The following SH2D4A variants were observed in gnomAD, a reference collection of about 807,000 sequenced individuals.
SH2D4A encodes SH2 domain containing 4A.
SH2D4A carries 70 observed loss-of-function variants against 64.7 expected under a neutral mutation model. The ratio of observed to expected loss-of-function variants is 1.08; its 90% CI spans 0.89 to 1.32. The LOEUF (loss-of-function observed/expected upper bound fraction) is 1.32, where lower values mean the gene tolerates loss of function less well. Among genes scored for constraint, SH2D4A ranks in the 40% most tolerant of loss-of-function variants. The pLI, the probability that SH2D4A is intolerant of heterozygous loss-of-function variation, is 0.00. For missense variants in SH2D4A, 706 were observed against 540.1 expected (o/e 1.31, Z -3.04); for synonymous variants, 268 against 200.7 (o/e 1.34, Z -2.83).
At chr8:19,314,119 T>A in intron 1 of SH2D4A, 1 of 218,682 alleles carries the variant, frequency 4.6e-6, no homozygotes, top group South Asian at 1.7e-4. Flanking sequence ...TTGCAGGGGG[T>A]GGCGGGGGAA....
At chr8:19,348,218 C>G (rs1039570610) in intron 4 of SH2D4A, among the ~76,000 whole-genome samples, 5 of 152,098 alleles carry the variant, frequency 3.3e-5, no homozygotes, top group Non-Finnish European at 5.9e-5. Flanking sequence ...TCCTCAGCCT[C>G]CCAAGAAGCT....
chr8:19,385,278 C>G (rs2053367143), intron 8 of SH2D4A, among the ~76,000 whole-genome samples: 1 of 150,952 alleles, frequency 6.6e-6, no homozygotes, highest in South Asian at 2.1e-4. Context: ...GATGCGATCT[C>G]AGCTCACTGT....
chr8:19,373,422 GCATGTATATGTA>G (rs1241544668), intron 7 of SH2D4A, 96 bp from the exon 8 acceptor site: 1 of 645,578 alleles, frequency 1.5e-6, no homozygotes, highest in East Asian at 3.2e-5. Flanking sequence ...GTATATATAT[GCATGTATATGTA>G]TGTGTGTGTG....
intron 4 of SH2D4A, among the ~76,000 whole-genome samples, chr8:19,355,677 C>G (rs1334388660): frequency 6.6e-6 from 1 of 152,156 alleles, no homozygotes; most frequent in Non-Finnish European, 1.5e-5. Flanking sequence ...CTGAAAATTG[C>G]CCATTATGTT....
At chr8:19,360,333 G>A (rs2052861739) in intron 5 of SH2D4A, among the ~76,000 whole-genome samples, 1 of 140,578 alleles carries the variant, frequency 7.1e-6, no homozygotes, top group Non-Finnish European at 1.5e-5. Flanking sequence ...TACATATTCT[G>A]GCAGGGTGTG....
Position 19,390,605 on chromosome 8 carries a change from G to GTAA in SH2D4A, c.1049-2711_1049-2709dup, listed in dbSNP as rs1463260250. Among the ~76,000 whole-genome samples the GTAA allele has an allele frequency of 8.5e-5, 13 of 152,288 alleles. No homozygotes were observed. The South Asian group carries it at 2.7e-3, about 32-fold the overall frequency. ...CAAGCCAGTTTGCTATTAAGGAATAGTAATCCTCTTACAAAGCAAAAAAAG... is the reference window on the plus strand; with the variant it reads ...CAAGCCAGTTTGCTATTAAGGAATAGTAATAATCCTCTTACAAAGCAAAAAAAG... On this transcript the variant is annotated intron_variant, in intron 8 of 9. Coordinates refer to ENST00000265807, the MANE Select transcript of SH2D4A (RefSeq NM_022071.4).
chr8:19,382,823 C>CTTTTTTTTTTTTTTTTTTTTTT lies in SH2D4A; in HGVS notation c.1048+9167_1048+9188dup, dbSNP rs1159245319. 7.0e-4 allele frequency among the ~76,000 whole-genome samples: 45 copies of CTTTTTTTTTTTTTTTTTTTTTT among 64,630 alleles called. 4 individuals are homozygous for CTTTTTTTTTTTTTTTTTTTTTT. The highest frequency in any genetic ancestry group is 9.5e-4 in the Non-Finnish European group (33 of 34,652). The allele number at this position is 64,630 out of a possible 152,430, so 42.4% of individuals were successfully genotyped here. A position where few individuals can be genotyped will look rare whatever the true frequency, so the allele number is the denominator to read the frequency against. On this transcript the variant is annotated intron_variant, in intron 8 of 9. Coordinates refer to ENST00000265807, the MANE Select transcript of SH2D4A (RefSeq NM_022071.4). ...TTTCTCTCTTGCTGCTTTTAAGATTCTTTTTTTTTTTTTTTTTTTTTTTTT... is the reference window on the plus strand; with the variant it reads ...TTTCTCTCTTGCTGCTTTTAAGATTCTTTTTTTTTTTTTTTTTTTTTTTTTTTTTTTTTTTTTTTTTTTTTTT...
chr8:19,363,944 T>C, intron 6 of SH2D4A, 128 bp from the exon 7 acceptor site: 1 of 802,076 alleles, frequency 1.2e-6, no homozygotes, highest in South Asian at 1.8e-5. Flanking sequence ...ATAATGATTG[T>C]TCCTTATTAT....
intron 7 of SH2D4A, 48 bp from the exon 8 acceptor site, chr8:19,373,482 A>G (rs957681832): frequency 2.1e-6 from 3 of 1,455,630 alleles, no homozygotes; most frequent in Middle Eastern, 2.2e-4. Context: ...TGAGGGCATT[A>G]TTTTCAAATT....
chr8:19,366,672 A>G (rs986098389), intron 7 of SH2D4A, among the ~76,000 whole-genome samples: 2 of 152,090 alleles, frequency 1.3e-5, no homozygotes, highest in African/African-American at 2.4e-5. Context: ...TGCACCTGTA[A>G]TTCCAGCTAC....
chr8:19,333,313 T>A (rs182415975), intron 3 of SH2D4A, among the ~76,000 whole-genome samples, 199 bp downstream of exon 3: 68 of 152,292 alleles, frequency 4.5e-4, no homozygotes, highest in Admixed American at 1.6e-3. Context: ...GAAGGTTGAT[T>A]TAGACTTTTG....
chr8:19,351,857 C>T (rs1056954454), intron 4 of SH2D4A, among the ~76,000 whole-genome samples: 3 of 152,044 alleles, frequency 2.0e-5, no homozygotes, highest in African/African-American at 4.8e-5. Context: ...GATCTTGGCT[C>T]ACTGCAACCT....
chr8:19,380,293 T>C lies in SH2D4A; in HGVS notation c.1048+6633T>C, dbSNP rs531413928. Among the ~76,000 whole-genome samples the C allele has an allele frequency of 9.8e-5, 15 of 152,358 alleles. No individual in the cohort carries two copies. In the East Asian group the frequency reaches 2.1e-3, roughly 22 times the overall value. On this transcript the variant is annotated intron_variant, in intron 8 of 9. Transcript: ENST00000265807. Reference sequence around the variant, plus strand: ...TCAATCCTTTATTAGATATCTAATTTAAAAATATTTTCGCCTGTTTTATGA... The same window carrying C: ...TCAATCCTTTATTAGATATCTAATTCAAAAATATTTTCGCCTGTTTTATGA...
In SH2D4A at chr8:19,319,587, G is replaced by C. The variant is rs377447530; in HGVS notation, c.40G>C (p.Asp14His). The C allele has an allele frequency of 6.2e-7, 1 of 1,603,402 alleles. No individual in the cohort carries two copies. The highest frequency in any genetic ancestry group is 8.5e-7 in the Non-Finnish European group (1 of 1,176,098). ...ACTGTCGGAGATGTACATAGATCCT[G>C]ATCTACTGGCAGAGCTCAGCGAAGA... Reference protein sequence around the residue: ...QILSEMYIDPDLLAELSEEQK... With the variant: ...QILSEMYIDPHLLAELSEEQK... Residue 14 changes from aspartate (D) to histidine (H), a missense_variant, in exon 2 of 10, where the codon GAT (aspartate) becomes CAT (histidine). By Grantham distance (81) the Asp-to-His change is moderately conservative. Coordinates refer to ENST00000265807, the MANE Select transcript of SH2D4A (RefSeq NM_022071.4).
chr8:19,340,601 C>CTTTTTT (rs535915285), intron 4 of SH2D4A, among the ~76,000 whole-genome samples: 7 of 100,528 alleles, frequency 7.0e-5, no homozygotes, highest in Admixed American at 1.0e-4. Flanking sequence ...TTCTTTCTTT[C>CTTTTTT]TTTTTTTTTT....
At chr8:19,321,200 G>A (rs1003190230) in intron 2 of SH2D4A, among the ~76,000 whole-genome samples, 9 of 62,012 alleles carry the variant, frequency 1.5e-4, no homozygotes, top group Admixed American at 3.1e-4. Context: ...ACTTAGAGAA[G>A]TTCATTTTTT....
rs2052148717 is a variant in SH2D4A at position 19,319,522 on chromosome 8, G to A, written c.-26G>A. ...CCAGTTTCAGGAACTTTTGCCACAA[G>A]TATAAAAGACTTCAGAAGTGCAAAG... On this transcript the variant is annotated 5_prime_UTR_variant, in exon 2 of 10. Transcript: ENST00000265807. 2 of 1,466,990 alleles carry A rather than the reference G, an allele frequency of 1.4e-6. No homozygotes were observed. Among genetic ancestry groups the A allele is most frequent in the Non-Finnish European group, 1.8e-6 (2 of 1,105,870 alleles). 90.9% of individuals were successfully genotyped at this position (1,466,990 alleles called of 1,614,324 possible). A position where few individuals can be genotyped will look rare whatever the true frequency, so the allele number is the denominator to read the frequency against.
Position 19,365,418 on chromosome 8 carries a change from G to C in SH2D4A, c.917+1136G>C, listed in dbSNP as rs1450672271. ...AAGCAAGAAATGTAGTCAGGAAATAGGAGTCTCTTAATTGTGAGAACAGCT... is the reference window on the plus strand; with the variant it reads ...AAGCAAGAAATGTAGTCAGGAAATACGAGTCTCTTAATTGTGAGAACAGCT... On this transcript the variant is annotated intron_variant, in intron 7 of 9. Coordinates refer to ENST00000265807, the MANE Select transcript of SH2D4A (RefSeq NM_022071.4). Among the ~76,000 whole-genome samples, 3 of 152,140 alleles carry C rather than the reference G, an allele frequency of 2.0e-5. No individual in the cohort carries two copies. The East Asian group carries it at 5.8e-4, about 29-fold the overall frequency.
intron 4 of SH2D4A, among the ~76,000 whole-genome samples, chr8:19,348,777 A>G (rs1400715167): frequency 6.6e-6 from 1 of 152,220 alleles, no homozygotes; most frequent in East Asian, 1.9e-4. Flanking sequence ...TTAGCAAAAT[A>G]ACACTTTAAG....
Sources: allele counts gnomAD v4.1 joint callset (sites outside exome capture counted in the v4.1 genomes callset), GRCh38; gene constraint gnomAD v4.1.1; transcripts MANE v1.5; gene names NCBI Gene and HGNC (gene_info 2026-07-23, HGNC 2026-07-21).